Variants in CDH13 observed in about 807,000 individuals in gnomAD.
CDH13 encodes the protein cadherin-13.
In CDH13, 24 loss-of-function variants were observed where a neutral mutation model predicts 63.8. The ratio of observed to expected loss-of-function variants is 0.38; its 90% CI spans 0.27 to 0.53. The LOEUF (loss-of-function observed/expected upper bound fraction) is 0.53. Among genes scored for constraint, CDH13 ranks in the 20% least tolerant of loss-of-function variants. The pLI, the probability that CDH13 is intolerant of heterozygous loss-of-function variation, is 0.85. For missense variants in CDH13, 1,049 were observed against 903.1 expected, an observed-to-expected ratio of 1.16 and a Z score of -2.07; for synonymous variants, 503 against 355.3, an observed-to-expected ratio of 1.42 and a Z score of -4.67.
At chr16:83,127,405 G>C (rs2035859935) in intron 4 of CDH13, among the ~76,000 whole-genome samples, 1 of 152,188 alleles carries the variant, frequency 6.6e-6, no homozygotes, top group Non-Finnish European at 1.5e-5. Context: ...GAGTTTGGTG[G>C]TGATCTGAAC....
intron 6 of CDH13, among the ~76,000 whole-genome samples, chr16:83,433,606 C>G (rs916001667): frequency 7.9e-5 from 12 of 152,152 alleles, no homozygotes; most frequent in African/African-American, 2.9e-4. Context: ...GGTGGTTTCT[C>G]CTATTGACTC....
chr16:82,896,689 C>A (rs1286736113), intron 2 of CDH13, among the ~76,000 whole-genome samples: 1 of 150,696 alleles, frequency 6.6e-6, no homozygotes, highest in African/African-American at 2.4e-5. Context: ...GCTGTCAGAC[C>A]AGATGCAGGT....
At chr16:83,331,486 T>C (rs2090479297) in intron 5 of CDH13, among the ~76,000 whole-genome samples, 1 of 152,190 alleles carries the variant, frequency 6.6e-6, no homozygotes, top group Admixed American at 6.5e-5. Flanking sequence ...CAGCCACCCA[T>C]AGCTCCCCAT....
At chr16:83,352,499 T>G (rs1264845072) in intron 6 of CDH13, among the ~76,000 whole-genome samples, 2 of 152,062 alleles carry the variant, frequency 1.3e-5, no homozygotes, top group African/African-American at 4.8e-5. Context: ...AGCCACTGTA[T>G]CAAAAAAACA....
rs2074242930 is a variant in CDH13 at position 83,500,279 on chromosome 16, CTT to C, written c.960+13625_960+13626del. Among the ~76,000 whole-genome samples the C allele has an allele frequency of 7.6e-4, 2 of 2,636 alleles. 1 individual carries two copies. The highest frequency in any genetic ancestry group is 8.3e-4 in the African/African-American group (2 of 2,400). The allele number at this position is 2,636 out of a possible 152,430, so 1.7% of individuals were successfully genotyped here. A position where few individuals can be genotyped will look rare whatever the true frequency, so the allele number is the denominator to read the frequency against. ...TCTTCTTCTTCTTCTTCTTCTTCTT[CTT>C]CTTCTTCTTCTTCTCCTTCTCCTTC... On this transcript the variant is annotated intron_variant, in intron 7 of 13. Transcript: ENST00000567109.
chr16:83,755,630 G>C (rs1045938590), intron 11 of CDH13, among the ~76,000 whole-genome samples: 5 of 152,076 alleles, frequency 3.3e-5, no homozygotes, highest in African/African-American at 1.2e-4. Flanking sequence ...AGAAATAATG[G>C]AATGTGGAAG....
At chr16:83,478,855 A>AAAAAAAG (rs2073683159) in intron 6 of CDH13, among the ~76,000 whole-genome samples, 1 of 149,400 alleles carries the variant, frequency 6.7e-6, no homozygotes, top group African/African-American at 2.5e-5. Context: ...AAAAAAAAAG[A>AAAAAAAG]AAAAAAGAAA....
chr16:82,948,411 T>A (rs1213590535), intron 2 of CDH13, among the ~76,000 whole-genome samples: 1 of 152,166 alleles, frequency 6.6e-6, no homozygotes, highest in Admixed American at 6.5e-5. Context: ...TTCAATAGAT[T>A]TCTCTTCTTC....
intron 7 of CDH13, among the ~76,000 whole-genome samples, chr16:83,501,842 A>G (rs1274553733): frequency 6.6e-6 from 1 of 152,204 alleles, no homozygotes; most frequent in African/African-American, 2.4e-5. Context: ...CATTTCAGGG[A>G]TTTCTGTATT....
intron 8 of CDH13, among the ~76,000 whole-genome samples, chr16:83,643,614 C>A (rs1458456666): frequency 6.6e-5 from 10 of 151,986 alleles, no homozygotes; most frequent in Non-Finnish European, 1.5e-4. Flanking sequence ...GCTTATGCTA[C>A]CTGCTTTGGG....
intron 10 of CDH13, among the ~76,000 whole-genome samples, 163 bp from the exon 11 acceptor site, chr16:83,747,945 G>C (rs1314440025): frequency 6.6e-6 from 1 of 151,988 alleles, no homozygotes; most frequent in East Asian, 1.9e-4. Flanking sequence ...AGAGTCAGTG[G>C]CCTCTTGACT....
At chr16:83,542,451 G>C (rs1460941713) in intron 7 of CDH13, among the ~76,000 whole-genome samples, 1 of 152,150 alleles carries the variant, frequency 6.6e-6, no homozygotes, top group African/African-American at 2.4e-5. Context: ...AGTATGTCTG[G>C]CATAGGGACC....
intron 7 of CDH13, among the ~76,000 whole-genome samples, chr16:83,595,134 G>A (rs1274859994): frequency 1.3e-5 from 2 of 152,164 alleles, no homozygotes; most frequent in Non-Finnish European, 2.9e-5. Flanking sequence ...TAAAATCAGA[G>A]GAGCCAATTT....
chr16:82,773,604 A>G (rs1170478854), intron 1 of CDH13: 1 of 152,228 alleles, frequency 6.6e-6, no homozygotes, highest in African/African-American at 2.4e-5. Context: ...TTCAAGTGTC[A>G]TCAATCTCCA....
intron 6 of CDH13, among the ~76,000 whole-genome samples, chr16:83,361,853 G>T (rs2091168636): frequency 6.6e-6 from 1 of 152,132 alleles, no homozygotes; most frequent in South Asian, 2.1e-4. Context: ...TTAAAGTCAG[G>T]TAATGTGATG....
intron 3 of CDH13, among the ~76,000 whole-genome samples, chr16:83,118,321 G>A (rs747483423): frequency 7.2e-4 from 109 of 152,186 alleles, no homozygotes; most frequent in Non-Finnish European, 1.4e-3. Context: ...CGTGGGTCTA[G>A]GCAGCTGATG....
intron 10 of CDH13, chr16:83,726,399 G>C (rs201832598): frequency 1.8e-5 from 2 of 110,172 alleles, no homozygotes; most frequent in African/African-American, 3.3e-5. Flanking sequence ...TTATTTATTT[G>C]TTCATTCTCC....
chr16:83,761,427 T>C (rs1913958319), intron 11 of CDH13, among the ~76,000 whole-genome samples: 1 of 152,192 alleles, frequency 6.6e-6, no homozygotes, highest in Non-Finnish European at 1.5e-5. Context: ...ATTGGTGAAT[T>C]GGGCAACCTC....
chr16:83,758,001 C>T (rs560267340), intron 11 of CDH13, among the ~76,000 whole-genome samples: 41 of 150,834 alleles, frequency 2.7e-4, no homozygotes, highest in African/African-American at 8.0e-4. Context: ...TGGTGGTGCA[C>T]GCCTGTAATC....
Sources: gnomAD v4.1 joint callset for allele counts (sites outside exome capture counted in the v4.1 genomes callset) on GRCh38, gnomAD v4.1.1 for gene constraint, MANE v1.5 for transcripts, NCBI Gene and HGNC (gene_info 2026-07-23, HGNC 2026-07-21) for gene names.